MYEF2: variants seen among roughly 807,000 people sequenced by gnomAD.
MYEF2 encodes the protein myelin gene expression factor 2.
Under a neutral mutation model 75.2 loss-of-function variants are expected in MYEF2, and 37 were observed. That is an observed-to-expected ratio of 0.49 (90% CI 0.38 to 0.65). The LOEUF is 0.65. Among genes scored for constraint, MYEF2 ranks in the 30% least tolerant of loss-of-function variants. The probability of loss-of-function intolerance (pLI) is 0.00; values close to 1 mark genes in which losing one functional copy is unlikely to be tolerated. For synonymous variants in MYEF2, 195 were observed against 241.6 expected (o/e 0.81, Z 1.79); for missense variants, 634 against 771.4 (o/e 0.82, Z 2.11).
intron 9 of MYEF2, among the ~76,000 whole-genome samples, chr15:48,156,242 A>G (rs2039691266): frequency 6.6e-6 from 1 of 152,132 alleles, no homozygotes; most frequent in African/African-American, 2.4e-5. Flanking sequence ...AAACACACTA[A>G]ACCCCAATAA....
In MYEF2 at chr15:48,158,839, GTCT is replaced by G. The variant is rs781685347; in HGVS notation, c.798_800del (p.Glu266del). 14 of 1,613,726 alleles carry G rather than the reference GTCT, an allele frequency of 8.7e-6. No homozygotes were observed. Among genetic ancestry groups the G allele is most frequent in the Non-Finnish European group, 1.2e-5 (14 of 1,179,802 alleles). On this transcript the variant is annotated inframe_deletion, in exon 7 of 17. Transcript: ENST00000324324. Reference sequence around the variant, plus strand: ...CCATTCCTCTGCTCTTGCCATCTTTGTCTTCTTTAATATCTGCCCGCTTCACAG... The same window carrying G: ...CCATTCCTCTGCTCTTGCCATCTTTGTCTTTAATATCTGCCCGCTTCACAG...
intron 1 of MYEF2, chr15:48,170,002 C>T (rs1032499607): frequency 1.3e-5 from 2 of 152,186 alleles, no homozygotes; most frequent in African/African-American, 4.8e-5. Context: ...AAGATGTAGG[C>T]ATACACTTAA....
intron 5 of MYEF2, among the ~76,000 whole-genome samples, chr15:48,165,249 G>C (rs2040093111): frequency 6.6e-6 from 1 of 152,102 alleles, no homozygotes; most frequent in Non-Finnish European, 1.5e-5. Context: ...TAACAGGTCT[G>C]TAATCAAACT....
chr15:48,152,792 G>A (rs1158163654), intron 10 of MYEF2: 1 of 152,466 alleles, frequency 6.6e-6, no homozygotes, highest in African/African-American at 2.4e-5. Context: ...GAGAAAACTT[G>A]TTTGGATCAG....
chr15:48,142,144 A>C lies in MYEF2; in HGVS notation c.*764T>G. ...TTATAAATGGATCAGCTCCTGCAGA[A>C]GTAAACAGCAGAGGACTAACTTACA... On this transcript the variant is annotated 3_prime_UTR_variant, in exon 17 of 17. Coordinates refer to ENST00000324324, the MANE Select transcript of MYEF2 (RefSeq NM_016132.5). The C allele has an allele frequency of 6.2e-7, 1 of 1,613,910 alleles. No homozygotes were observed. The highest frequency in any genetic ancestry group is 8.5e-7 in the Non-Finnish European group (1 of 1,179,868).
intron 7 of MYEF2, 55 bp from the exon 8 acceptor site, chr15:48,158,279 C>A: frequency 1.3e-6 from 2 of 1,511,112 alleles, no homozygotes; most frequent in South Asian, 2.3e-5. Context: ...TATAACAGAA[C>A]ACAAACTAAT....
chr15:48,141,903 C>A lies in MYEF2; in HGVS notation c.*1005G>T. On this transcript the variant is annotated 3_prime_UTR_variant, in exon 17 of 17. Coordinates refer to ENST00000324324, the MANE Select transcript of MYEF2 (RefSeq NM_016132.5). ...AAATACAAATTCAGTAAGACTTTTG[C>A]TCTAACAACAATTTTTCAAAACGAA... is the stretch of plus-strand genomic sequence containing the variant. The A allele has an allele frequency of 1.5e-6, 1 of 648,842 alleles. No homozygotes were observed. The highest frequency in any genetic ancestry group is 2.5e-6 in the Non-Finnish European group (1 of 402,978). 40.2% of individuals were successfully genotyped at this position (648,842 alleles called of 1,614,324 possible). A position where few individuals can be genotyped will look rare whatever the true frequency, so the allele number is the denominator to read the frequency against.
chr15:48,156,225 A>G (rs778593825), intron 9 of MYEF2, among the ~76,000 whole-genome samples: 14 of 152,188 alleles, frequency 9.2e-5, no homozygotes, highest in Non-Finnish European at 1.8e-4. Flanking sequence ...TTAAGGAGTT[A>G]GGACAAAAAC....
intron 1 of MYEF2, among the ~76,000 whole-genome samples, chr15:48,174,850 G>A (rs1285783067): frequency 6.6e-6 from 1 of 151,976 alleles, no homozygotes; most frequent in Non-Finnish European, 1.5e-5. Flanking sequence ...AATATACATT[G>A]GTACAGCCAT....
chr15:48,168,577 C>A, intron 2 of MYEF2, 54 bp downstream of exon 2: 1 of 1,423,768 alleles, frequency 7.0e-7, no homozygotes, highest in Admixed American at 1.8e-5. Flanking sequence ...GTGTAGTTCC[C>A]TCCCCTGCCT....
At chr15:48,148,401 C>A (rs1470704820) in intron 16 of MYEF2, among the ~76,000 whole-genome samples, 3 of 151,940 alleles carry the variant, frequency 2.0e-5, no homozygotes, top group Non-Finnish European at 4.4e-5. Context: ...CTTCCACAGA[C>A]CTGTGGAACA....
chr15:48,155,837 C>T (rs1023450043), intron 9 of MYEF2, among the ~76,000 whole-genome samples: 4 of 149,346 alleles, frequency 2.7e-5, no homozygotes, highest in African/African-American at 7.4e-5. Context: ...TGCAGGGGCA[C>T]GATCTCAGCT....
chr15:48,167,277 CA>C (rs1300736798), intron 3 of MYEF2, 71 bp downstream of exon 3: 1 of 1,456,882 alleles, frequency 6.9e-7, no homozygotes, highest in Non-Finnish European at 9.6e-7. Context: ...AAAACTGGTA[CA>C]AGTATTATAC....
rs2140780883 is a variant in MYEF2, at chr15:48,142,023, T to C, written c.*885A>G. ...CACATTTTAACAGTATGCTTTTCTT[T>C]TGTAGGGAAAGGAGATATGGCTATG... On this transcript the variant is annotated 3_prime_UTR_variant, in exon 17 of 17. Coordinates refer to ENST00000324324, the MANE Select transcript of MYEF2 (RefSeq NM_016132.5). 6.3e-7 allele frequency: 1 copy of C among 1,596,102 alleles called. No homozygotes were observed. The highest frequency in any genetic ancestry group is 8.6e-7 in the Non-Finnish European group (1 of 1,169,434).
In MYEF2 at chr15:48,156,896, C is replaced by A. The variant is rs2039718992; in HGVS notation, c.985+1097G>T. Among the ~76,000 whole-genome samples the A allele has an allele frequency of 3.3e-5, 5 of 151,982 alleles. No individual in the cohort carries two copies. In the South Asian group the frequency reaches 1.0e-3, roughly 32 times the overall value. ...AAATGTGTAGTCAAATTATTAAAAC[C>A]TAAATGATAAATACTCTATCCATAA... is the stretch of plus-strand genomic sequence containing the variant. On this transcript the variant is annotated intron_variant, in intron 9 of 16. Coordinates refer to ENST00000324324, the MANE Select transcript of MYEF2 (RefSeq NM_016132.5).
chr15:48,152,435 G>C (rs1191559845), intron 10 of MYEF2, 151 bp from the exon 11 acceptor site: 1 of 616,252 alleles, frequency 1.6e-6, no homozygotes, highest in African/African-American at 1.9e-5. Context: ...GGTTTAAAGT[G>C]CTATGCCATA....
In MYEF2 at chr15:48,140,955, A is replaced by C. The variant is rs966943475; in HGVS notation, c.*1953T>G. 1.3e-5 allele frequency: 7 copies of C among 532,230 alleles called. No homozygotes were observed. Among genetic ancestry groups the C allele is most frequent in the Non-Finnish European group, 2.3e-5 (7 of 301,702 alleles). The allele number at this position is 532,230 out of a possible 1,614,324, so 33.0% of individuals were successfully genotyped here. A position where few individuals can be genotyped will look rare whatever the true frequency, so the allele number is the denominator to read the frequency against. On this transcript the variant is annotated 3_prime_UTR_variant, in exon 17 of 17. Transcript: ENST00000324324. ...CCCGAATTACCAGCCTGATTCAAAT[A>C]TGTTGCTAGCTAAAAAACTAATAAG...
chr15:48,136,933 A>C lies in MYEF2; in HGVS notation c.*5975T>G. 1 of 1,613,344 alleles carries C rather than the reference A, an allele frequency of 6.2e-7. No individual in the cohort carries two copies. ...TTCTGGCTACTCTCAGCTCTCTATA[A>C]GTTTACATGGCCTTAGTCAGGTTTC... On this transcript the variant is annotated 3_prime_UTR_variant, in exon 17 of 17. Transcript: ENST00000324324.
rs1372787753 is a variant in MYEF2, at chr15:48,149,009, T to A, written c.1639+23A>T. 3.1e-6 allele frequency: 5 copies of A among 1,611,018 alleles called. No homozygotes were observed. The highest frequency in any genetic ancestry group is 4.2e-6 in the Non-Finnish European group (5 of 1,177,662). ...TTCCTCCATAATCAATATCAACATA[T>A]CTGCAGTCATTTGCATACTTACCAC... On this transcript the variant is annotated intron_variant, in intron 16 of 16. Coordinates refer to ENST00000324324, the MANE Select transcript of MYEF2 (RefSeq NM_016132.5). This position sits in a 1 kb window ranked among gnomAD's most constrained non-coding sequence, Gnocchi z 4.0.
Sources: allele counts gnomAD v4.1 joint callset (sites outside exome capture counted in the v4.1 genomes callset), GRCh38; gene constraint gnomAD v4.1.1; non-coding constraint Gnocchi (gnomAD v3.1); transcripts MANE v1.5; gene names NCBI Gene and HGNC (gene_info 2026-07-23, HGNC 2026-07-21).